The following KLHL11 variants were observed in gnomAD, a reference collection of about 807,000 sequenced individuals.
KLHL11 encodes the protein kelch-like protein 11.
In KLHL11, 26 loss-of-function variants were observed where a neutral mutation model predicts 56.1. The observed-to-expected ratio is 0.46, with a 90% confidence interval of 0.34 to 0.64. KLHL11 has a LOEUF of 0.64. Ranked by LOEUF, KLHL11 falls within the 30% of genes least tolerant of loss-of-function variation. The pLI, the probability that KLHL11 is intolerant of heterozygous loss-of-function variation, is 0.01. For synonymous variants in KLHL11, 338 were observed against 345.8 expected, an observed-to-expected ratio of 0.98 and a Z score of 0.25; for missense variants, 627 against 919.4, an observed-to-expected ratio of 0.68 and a Z score of 4.11.
intron 1 of KLHL11, among the ~76,000 whole-genome samples, chr17:41,858,408 T>TG (rs1232538319): frequency 1.4e-5 from 2 of 143,960 alleles, no homozygotes; most frequent in African/African-American, 2.6e-5. Flanking sequence ...ATATATATTT[T>TG]TTGTTGTTGT....
At chr17:41,856,060 G>A (rs2048364408) in intron 1 of KLHL11, among the ~76,000 whole-genome samples, 1 of 149,802 alleles carries the variant, frequency 6.7e-6, no homozygotes, top group African/African-American at 2.5e-5. Flanking sequence ...GCACAATCTT[G>A]GCTCACGGCG....
At position 41,854,064 on chromosome 17, in the gene KLHL11, T is replaced by C. The variant is rs148410954; in HGVS notation, c.1803A>G (p.Gly601=). The change falls in exon 2 of 2, where the codon GGA becomes GGG. Residue 601 remains glycine (G), a synonymous_variant. Transcript: ENST00000319121. The surrounding 1 kb of genome is among the most constrained non-coding windows in gnomAD (Gnocchi z 4.9). The part of the protein sequence containing the change: ...SLPPEVLSIE[G]AAICYYKDDV... ...CATCTTTGTAATAGCAAATGGCTGC[T>C]CCTTCGATGCTTAGGACTTCTGGAG... The C allele has an allele frequency of 4.9e-4, 791 of 1,614,076 alleles. 1 individual carries two copies. The highest frequency in any genetic ancestry group is 6.3e-4 in the Non-Finnish European group (741 of 1,180,038).
chr17:41,857,109 T>C (rs1220321720), intron 1 of KLHL11, among the ~76,000 whole-genome samples: 4 of 152,036 alleles, frequency 2.6e-5, no homozygotes, highest in Admixed American at 6.6e-5. Flanking sequence ...GGCAAGAGGA[T>C]TGGCTGAGGT....
intron 1 of KLHL11, among the ~76,000 whole-genome samples, chr17:41,857,586 A>G (rs2144157568): frequency 6.6e-6 from 1 of 151,426 alleles, no homozygotes; most frequent in African/African-American, 2.4e-5. Flanking sequence ...TTATATAATT[A>G]CCTATCATAT....
Position 41,848,683 on chromosome 17 carries a change from A to C in KLHL11, c.*5057T>G. 5.6e-6 allele frequency: 1 copy of C among 179,490 alleles called. No homozygotes were observed. Among genetic ancestry groups the C allele is most frequent in the Non-Finnish European group, 1.2e-5 (1 of 83,500 alleles). The allele number at this position is 179,490 out of a possible 1,614,324, so 11.1% of individuals were successfully genotyped here. A position where few individuals can be genotyped will look rare whatever the true frequency, so the allele number is the denominator to read the frequency against. On this transcript the variant is annotated 3_prime_UTR_variant, in exon 2 of 2. Coordinates refer to ENST00000319121, the MANE Select transcript of KLHL11 (RefSeq NM_018143.3). Reference sequence around the variant, plus strand: ...GTTAAGGGGAGATAGTGAAGATTATATTTTCAGTAGAGTAGGGACCTGGAT... The same window carrying C: ...GTTAAGGGGAGATAGTGAAGATTATCTTTTCAGTAGAGTAGGGACCTGGAT...
intron 1 of KLHL11, among the ~76,000 whole-genome samples, chr17:41,859,554 A>G (rs1439265604): frequency 6.6e-6 from 1 of 151,846 alleles, no homozygotes; most frequent in African/African-American, 2.4e-5. Context: ...ATGAGATGCT[A>G]TCTCAAAAAA....
intron 1 of KLHL11, among the ~76,000 whole-genome samples, chr17:41,861,679 CTT>C (rs2048403718): frequency 1.1e-5 from 1 of 88,500 alleles, no homozygotes; most frequent in Admixed American, 1.7e-4. Flanking sequence ...GAGCGAGACT[CTT>C]GTCTCAAAAA....
At position 41,854,468 on chromosome 17, in the gene KLHL11, CAGG is replaced by C; in HGVS notation, c.1396_1398del (p.Pro466del). ...TTATAAACAGTCACATCTTTAAAAC[CAGG>C]ACTAAAGTTGCCATGTCCTCCAATG... On this transcript the variant is annotated inframe_deletion, in exon 2 of 2. Coordinates refer to ENST00000319121, the MANE Select transcript of KLHL11 (RefSeq NM_018143.3). This position sits in a 1 kb window ranked among gnomAD's most constrained non-coding sequence, Gnocchi z 4.9. The C allele has an allele frequency of 6.2e-7, 1 of 1,614,142 alleles. No individual in the cohort carries two copies. The highest frequency in any genetic ancestry group is 8.5e-7 in the Non-Finnish European group (1 of 1,180,028).
At chr17:41,858,537 A>G (rs1289821911) in intron 1 of KLHL11, among the ~76,000 whole-genome samples, 1 of 151,746 alleles carries the variant, frequency 6.6e-6, no homozygotes, top group African/African-American at 2.4e-5. Context: ...GGTTCAAGCG[A>G]TTCTCCTGCC....
At chr17:41,856,646 T>G (rs1237529228) in intron 1 of KLHL11, among the ~76,000 whole-genome samples, 1 of 151,774 alleles carries the variant, frequency 6.6e-6, no homozygotes, top group African/African-American at 2.4e-5. Context: ...ATCCCAGCAC[T>G]TTGGGAAGCT....
rs1555621911 is a variant in KLHL11, at chr17:41,850,155, G to A, written c.*3585C>T. 6.6e-6 allele frequency: 1 copy of A among 152,142 alleles called. No homozygotes were observed. The highest frequency in any genetic ancestry group is 1.5e-5 in the Non-Finnish European group (1 of 68,014). 9.4% of individuals were successfully genotyped at this position (152,142 alleles called of 1,614,324 possible). A position where few individuals can be genotyped will look rare whatever the true frequency, so the allele number is the denominator to read the frequency against. On this transcript the variant is annotated 3_prime_UTR_variant, in exon 2 of 2. Transcript: ENST00000319121. Reference sequence around the variant, plus strand: ...TCCAGTTTAGAATTTCAGAATGTCAGCCTTGAACAGATTTAAGCAAATCTG... The same window carrying A: ...TCCAGTTTAGAATTTCAGAATGTCAACCTTGAACAGATTTAAGCAAATCTG...
Position 41,852,246 on chromosome 17 carries a change from G to T in KLHL11, c.*1494C>A, listed in dbSNP as rs782076845. On this transcript the variant is annotated 3_prime_UTR_variant, in exon 2 of 2. Transcript: ENST00000319121. Reference sequence around the variant, plus strand: ...TTCCCAGGCTGGTCTTGAACTCTTGGGCTCAAAATCTGCCCACCTCAGCCT... The same window carrying T: ...TTCCCAGGCTGGTCTTGAACTCTTGTGCTCAAAATCTGCCCACCTCAGCCT... Among the ~76,000 whole-genome samples, 2 of 151,804 alleles carry T rather than the reference G, an allele frequency of 1.3e-5. No individual in the cohort carries two copies. The highest frequency in any genetic ancestry group is 4.8e-5 in the African/African-American group (2 of 41,454).
chr17:41,858,466 CT>C (rs1555622775), intron 1 of KLHL11, among the ~76,000 whole-genome samples: 1 of 150,172 alleles, frequency 6.7e-6, no homozygotes, highest in East Asian at 2.0e-4. Flanking sequence ...GAGTTTCGCT[CT>C]TATTGCCCAG....
chr17:41,859,460 G>A (rs1309268387), intron 1 of KLHL11, among the ~76,000 whole-genome samples: 6 of 152,126 alleles, frequency 3.9e-5, no homozygotes, highest in Admixed American at 2.6e-4. Flanking sequence ...AGCTACTCAG[G>A]AGGCTGAGGC....
Position 41,854,900 on chromosome 17 carries a change from C to A in KLHL11, c.967G>T (p.Ala323Ser). The A allele has an allele frequency of 6.2e-7, 1 of 1,614,196 alleles. No homozygotes were observed. The highest frequency in any genetic ancestry group is 8.5e-7 in the Non-Finnish European group (1 of 1,180,014). The change falls in exon 2 of 2, where the codon GCT becomes TCT. Residue 323 changes from alanine to serine, a missense_variant. Physicochemically the swap from Ala to Ser is moderately conservative, Grantham distance 99 (BLOSUM62 1). Coordinates refer to ENST00000319121, the MANE Select transcript of KLHL11 (RefSeq NM_018143.3). The surrounding 1 kb of genome is among the most constrained non-coding windows in gnomAD (Gnocchi z 4.9). Reference protein sequence around the residue: ...ANNEVCVKLVADAVERHALRA... With the variant: ...ANNEVCVKLVSDAVERHALRA... ...AGAGCATGTCTCTCCACTGCGTCAGCGACCAACTTGACACAAACTTCATTA... is the reference window on the plus strand; with the variant it reads ...AGAGCATGTCTCTCCACTGCGTCAGAGACCAACTTGACACAAACTTCATTA...
rs2048426394 is a variant in KLHL11, at chr17:41,864,751, GCCCTCCCCTCCGCCAGCGAGCATCTCC to G, written c.545+48_545+74del. On this transcript the variant is annotated intron_variant, in intron 1 of 1. Coordinates refer to ENST00000319121, the MANE Select transcript of KLHL11 (RefSeq NM_018143.3). ...CTCGCGAGCTGCCGTGGCAGGCACT[GCCCTCCCCTCCGCCAGCGAGCATCTCC>G]CCCTCTCCGCGCCCGCCGCCCTCCG... 4 of 1,390,864 alleles carry G rather than the reference GCCCTCCCCTCCGCCAGCGAGCATCTCC, an allele frequency of 2.9e-6. No individual in the cohort carries two copies. In the South Asian group the frequency reaches 6.0e-5, roughly 21 times the overall value. 86.2% of individuals were successfully genotyped at this position (1,390,864 alleles called of 1,614,324 possible).
chr17:41,855,084 A>G lies in KLHL11; in HGVS notation c.783T>C (p.Asp261=). The part of the protein sequence containing the change: ...DWLSDLEITV[D]SEEVLFETVL... Reference sequence around the variant, plus strand: ...CGGTTTCAAAGAGAACCTCTTCAGAATCAACTGTAATTTCCAAATCTGAAA... The same window carrying G: ...CGGTTTCAAAGAGAACCTCTTCAGAGTCAACTGTAATTTCCAAATCTGAAA... Residue 261 remains aspartate (D), a synonymous_variant, in exon 2 of 2, where the codon GAT becomes GAC. Transcript: ENST00000319121. 6.2e-7 allele frequency: 1 copy of G among 1,614,188 alleles called. No individual in the cohort carries two copies.
chr17:41,859,507 G>A (rs2048389398), intron 1 of KLHL11, among the ~76,000 whole-genome samples: 2 of 152,188 alleles, frequency 1.3e-5, no homozygotes, highest in Non-Finnish European at 2.9e-5. Context: ...GGAGGTTGCA[G>A]TAAGCCGAGA....
At chr17:41,858,149 G>C (rs2048377938) in intron 1 of KLHL11, among the ~76,000 whole-genome samples, 1 of 150,906 alleles carries the variant, frequency 6.6e-6, no homozygotes, top group African/African-American at 2.4e-5. Context: ...ATTTGTCCTT[G>C]GCAAAGGCAA....
Sources: gnomAD v4.1 joint callset for allele counts (sites outside exome capture counted in the v4.1 genomes callset) on GRCh38, gnomAD v4.1.1 for gene constraint, Gnocchi (gnomAD v3.1) non-coding constraint, MANE v1.5 for transcripts, NCBI Gene and HGNC (gene_info 2026-07-23, HGNC 2026-07-21) for gene names.